The following SPAG16 variants were observed in gnomAD, a reference collection of about 807,000 sequenced individuals.
SPAG16 encodes the protein sperm associated antigen 16.
Under a neutral mutation model 80.4 loss-of-function variants are expected in SPAG16, and 86 were observed. The ratio of observed to expected loss-of-function variants is 1.07; its 90% CI spans 0.90 to 1.28. The LOEUF (loss-of-function observed/expected upper bound fraction) is 1.28, where lower values mean the gene tolerates loss of function less well. Among genes scored for constraint, SPAG16 ranks in the 50% most tolerant of loss-of-function variants. The probability of loss-of-function intolerance (pLI) is 0.00; values close to 1 mark genes in which losing one functional copy is unlikely to be tolerated. For missense variants in SPAG16, 870 were observed against 765.3 expected, an observed-to-expected ratio of 1.14 and a Z score of -1.61; for synonymous variants, 294 against 265.9, an observed-to-expected ratio of 1.11 and a Z score of -1.03.
Position 213,736,294 on chromosome 2 carries a change from AT to A in SPAG16, c.1071-126182del, listed in dbSNP as rs1004575875. Reference sequence around the variant, plus strand: ...GAGTTCCTAATTGCTGTAGGTTCAGATTTTTTTTTCTTTTTTTGAGATGGAG... The same window carrying A: ...GAGTTCCTAATTGCTGTAGGTTCAGATTTTTTTTCTTTTTTTGAGATGGAG... On this transcript the variant is annotated intron_variant, in intron 10 of 15. Coordinates refer to ENST00000331683, the MANE Select transcript of SPAG16 (RefSeq NM_024532.5). 4.2e-4 allele frequency among the ~76,000 whole-genome samples: 63 copies of A among 151,524 alleles called. 1 individual carries two copies. Among genetic ancestry groups the A allele is most frequent in the Admixed American group, 1.8e-3 (28 of 15,206 alleles).
intron 10 of SPAG16, among the ~76,000 whole-genome samples, chr2:213,688,394 A>G (rs767631413): frequency 1.3e-5 from 2 of 152,252 alleles, no homozygotes; most frequent in African/African-American, 2.4e-5. Context: ...TTCTTTACAT[A>G]TGCAAATTTT....
At chr2:214,148,836 A>G (rs2055801597) in intron 14 of SPAG16, among the ~76,000 whole-genome samples, 2 of 151,938 alleles carry the variant, frequency 1.3e-5, no homozygotes, top group African/African-American at 4.8e-5. Flanking sequence ...TAATGTAGTT[A>G]AAATGAAAAT....
At position 214,410,123 on chromosome 2, in the gene SPAG16, C is replaced by T. The variant is rs767556704; in HGVS notation, c.1721-17C>T. 5 of 1,612,394 alleles carry T rather than the reference C, an allele frequency of 3.1e-6. No homozygotes were observed. The highest frequency in any genetic ancestry group is 4.5e-5 in the East Asian group (2 of 44,864). On this transcript the variant is annotated splice_polypyrimidine_tract_variant and intron_variant, in intron 15 of 15. Coordinates refer to ENST00000331683, the MANE Select transcript of SPAG16 (RefSeq NM_024532.5). ...CTTTGATTCATTCTCTCTCTCTCTC[C>T]TCTCTGTCTCCCTCAGGTCGAGTTT...
chr2:213,936,703 T>A (rs2079003613), intron 12 of SPAG16, among the ~76,000 whole-genome samples: 1 of 152,292 alleles, frequency 6.6e-6, no homozygotes, highest in African/African-American at 2.4e-5. Context: ...CTCCTTATAC[T>A]GGGACACTAA....
At chr2:213,839,927 G>T (rs969969272) in intron 10 of SPAG16, among the ~76,000 whole-genome samples, 5 of 152,052 alleles carry the variant, frequency 3.3e-5, no homozygotes, top group African/African-American at 1.2e-4. Context: ...TTCCTATTAC[G>T]AAAAGAAGAA....
At chr2:213,868,059 A>G (rs1049841277) in intron 11 of SPAG16, among the ~76,000 whole-genome samples, 28 of 152,060 alleles carry the variant, frequency 1.8e-4, no homozygotes, top group East Asian at 3.8e-4. Context: ...AATGATATGC[A>G]ACCATCAACA....
intron 12 of SPAG16, among the ~76,000 whole-genome samples, chr2:213,950,032 T>G (rs1455287022): frequency 6.6e-6 from 1 of 152,198 alleles, no homozygotes; most frequent in Non-Finnish European, 1.5e-5. Flanking sequence ...ATATCTGTAG[T>G]TAGGTGACAT....
intron 15 of SPAG16, among the ~76,000 whole-genome samples, chr2:214,225,767 G>T (rs547114027): frequency 2.6e-5 from 4 of 152,214 alleles, no homozygotes; most frequent in African/African-American, 9.6e-5. Flanking sequence ...TATCTGATCT[G>T]AAAAATAAAC....
At chr2:213,587,505 G>A (rs2060514239) in intron 10 of SPAG16, among the ~76,000 whole-genome samples, 1 of 152,188 alleles carries the variant, frequency 6.6e-6, no homozygotes, top group South Asian at 2.1e-4. Flanking sequence ...CCCTGTGATA[G>A]GAGGGGCAGC....
chr2:214,051,406 G>A (rs2049636034), intron 13 of SPAG16, among the ~76,000 whole-genome samples: 1 of 152,194 alleles, frequency 6.6e-6, no homozygotes, highest in African/African-American at 2.4e-5. Context: ...CTGTGAATGA[G>A]GAAATGGCCA....
At chr2:213,586,740 A>G (rs1017806861) in intron 10 of SPAG16, among the ~76,000 whole-genome samples, 3 of 152,212 alleles carry the variant, frequency 2.0e-5, no homozygotes, top group African/African-American at 4.8e-5. Context: ...GTGAAATCAG[A>G]CCTGTTGTGT....
chr2:213,843,626 C>T (rs748237033), intron 10 of SPAG16, among the ~76,000 whole-genome samples: 16 of 152,054 alleles, frequency 1.1e-4, no homozygotes, highest in Admixed American at 4.6e-4. Context: ...TGAAGCGGGT[C>T]GATCACCTGA....
intron 10 of SPAG16, among the ~76,000 whole-genome samples, chr2:213,785,390 A>C (rs1342955356): frequency 6.6e-6 from 1 of 152,210 alleles, no homozygotes; most frequent in Non-Finnish European, 1.5e-5. Context: ...AGTTGTATAG[A>C]TTATCAATAG....
chr2:214,206,642 T>C (rs1331173386), intron 15 of SPAG16, among the ~76,000 whole-genome samples: 1 of 152,188 alleles, frequency 6.6e-6, no homozygotes, highest in Non-Finnish European at 1.5e-5. Context: ...TACCCAGCAG[T>C]GAGATTGCAG....
chr2:213,593,049 G>C (rs1376322841), intron 10 of SPAG16, among the ~76,000 whole-genome samples: 1 of 150,380 alleles, frequency 6.6e-6, no homozygotes, highest in Non-Finnish European at 1.5e-5. Flanking sequence ...TATCTGATTA[G>C]GGAAAAACTC....
At chr2:214,274,220 T>C (rs1279841522) in intron 15 of SPAG16, among the ~76,000 whole-genome samples, 2 of 152,210 alleles carry the variant, frequency 1.3e-5, no homozygotes. Context: ...CTTTCTAATA[T>C]ACAATCATGT....
At chr2:214,188,307 C>T (rs2057544277) in intron 15 of SPAG16, among the ~76,000 whole-genome samples, 1 of 152,132 alleles carries the variant, frequency 6.6e-6, no homozygotes, top group Non-Finnish European at 1.5e-5. Flanking sequence ...CATACAGTCT[C>T]TCAAAGATGT....
intron 10 of SPAG16, among the ~76,000 whole-genome samples, chr2:213,662,707 C>CTTA (rs1164715681): frequency 1.3e-5 from 2 of 151,670 alleles, no homozygotes; most frequent in African/African-American, 4.8e-5. Context: ...TTTCAAGAAG[C>CTTA]TTATTATTTA....
chr2:214,122,968 C>T (rs2054292609), intron 14 of SPAG16, among the ~76,000 whole-genome samples: 1 of 151,780 alleles, frequency 6.6e-6, no homozygotes, highest in African/African-American at 2.4e-5. Flanking sequence ...CAAGCCCATC[C>T]TATACTATGT....
Sources: gnomAD v4.1 joint callset for allele counts (sites outside exome capture counted in the v4.1 genomes callset) on GRCh38, gnomAD v4.1.1 for gene constraint, MANE v1.5 for transcripts, NCBI Gene and HGNC (gene_info 2026-07-23, HGNC 2026-07-21) for gene names.